EHD4: variants seen among roughly 807,000 people sequenced by gnomAD.
EHD4 encodes EH domain containing 4.
In EHD4, 37 loss-of-function variants were observed where a neutral mutation model predicts 51.0. That is an observed-to-expected ratio of 0.73 (90% confidence interval 0.56 to 0.95). The LOEUF is 0.95. Ranked by LOEUF, EHD4 falls within the 40% of genes least tolerant of loss-of-function variation. The pLI, the probability that EHD4 is intolerant of heterozygous loss-of-function variation, is 0.00. For synonymous variants in EHD4, 297 were observed against 317.3 expected, an observed-to-expected ratio of 0.94 and a Z score of 0.68; for missense variants, 632 against 733.1, an observed-to-expected ratio of 0.86 and a Z score of 1.59.
At chr15:41,961,752 C>T (rs1461399921) in intron 1 of EHD4, among the ~76,000 whole-genome samples, 2 of 152,136 alleles carry the variant, frequency 1.3e-5, no homozygotes, top group African/African-American at 4.8e-5. Flanking sequence ...CTGACATAAT[C>T]TCTTAAGGTG....
intron 2 of EHD4, among the ~76,000 whole-genome samples, chr15:41,945,890 C>A (rs76323230): frequency 0.023 from 3,490 of 152,334 alleles, 74 homozygotes; most frequent in South Asian, 0.035. Context: ...CATGTCCCGA[C>A]CCCATCAACT....
intron 3 of EHD4, among the ~76,000 whole-genome samples, chr15:41,932,019 TCAAGATATATTTG>T (rs1446133303): frequency 6.6e-6 from 1 of 152,070 alleles, no homozygotes; most frequent in Non-Finnish European, 1.5e-5. Flanking sequence ...TCAGCAATTT[TCAAGATATATTTG>T]CACGTTATCG....
chr15:41,926,826 C>G (rs2067665064), intron 3 of EHD4, among the ~76,000 whole-genome samples: 1 of 152,044 alleles, frequency 6.6e-6, no homozygotes, highest in African/African-American at 2.4e-5. Flanking sequence ...GTCTCCACAC[C>G]CTTGCTCAGG....
At chr15:41,906,318 T>A (rs547331290) in intron 5 of EHD4, among the ~76,000 whole-genome samples, 9 of 152,356 alleles carry the variant, frequency 5.9e-5, no homozygotes, top group African/African-American at 2.2e-4. Context: ...CATGCACTCC[T>A]CTATCCTGTG....
intron 1 of EHD4, among the ~76,000 whole-genome samples, chr15:41,965,290 C>T (rs1432118235): frequency 2.6e-5 from 4 of 152,166 alleles, no homozygotes. Context: ...AGAAAATGCT[C>T]ATCGTATCAT....
Position 41,896,227 on chromosome 15 carries a change from T to C in EHD4, c.*4418A>G, listed in dbSNP as rs2067437745. On this transcript the variant is annotated 3_prime_UTR_variant, in exon 6 of 6. Transcript: ENST00000220325. ...TTGTCACCACAGGCCTGGATTCCTC[T>C]GGCCTTTCTCAAGGTCTCTTTCATT... 6.6e-6 allele frequency: 1 copy of C among 152,370 alleles called. No homozygotes were observed. The highest frequency in any genetic ancestry group is 2.4e-5 in the African/African-American group (1 of 41,578). The allele number at this position is 152,370 out of a possible 1,614,324, so 9.4% of individuals were successfully genotyped here. A position where few individuals can be genotyped will look rare whatever the true frequency, so the allele number is the denominator to read the frequency against.
intron 3 of EHD4, among the ~76,000 whole-genome samples, chr15:41,940,243 G>A (rs1029481787): frequency 1.3e-5 from 2 of 152,214 alleles, no homozygotes; most frequent in Non-Finnish European, 2.9e-5. Flanking sequence ...GCAAAGACCC[G>A]CCAATAAAGT....
intron 3 of EHD4, among the ~76,000 whole-genome samples, chr15:41,931,015 T>C (rs574714518): frequency 2.6e-5 from 4 of 152,346 alleles, no homozygotes; most frequent in South Asian, 4.1e-4. Context: ...TAAACAGGCA[T>C]GCCTTCTACA....
At position 41,972,466 on chromosome 15, in the gene EHD4, C is replaced by A. The variant is rs1177941850; in HGVS notation, c.29G>T (p.Gly10Val). The A allele has an allele frequency of 2.6e-6, 4 of 1,547,808 alleles. No homozygotes were observed. The African/African-American group carries it at 5.6e-5, about 22-fold the overall frequency. MFSWMGRQAGGRERAGGADA... is the reference protein window; with the variant it reads MFSWMGRQAVGRERAGGADA... Reference sequence around the variant, plus strand: ...CGCGCCGCCAGCGCGTTCGCGCCCGCCCGCCTGCCGCCCCATCCAGCTGAA... The same window carrying A: ...CGCGCCGCCAGCGCGTTCGCGCCCGACCGCCTGCCGCCCCATCCAGCTGAA... The change falls in exon 1 of 6, where the codon GGC (glycine) becomes GTC (valine). Residue 10 changes from glycine to valine, a missense_variant. Gly to Val is a moderately radical substitution (Grantham distance 109, BLOSUM62 -3). Coordinates refer to ENST00000220325, the MANE Select transcript of EHD4 (RefSeq NM_139265.4).
intron 5 of EHD4, among the ~76,000 whole-genome samples, chr15:41,907,027 G>T (rs1595529942): frequency 6.6e-6 from 1 of 152,130 alleles, no homozygotes; most frequent in African/African-American, 2.4e-5. Flanking sequence ...GGTGTCTTCT[G>T]ACCTGGCCAG....
At chr15:41,904,437 C>T (rs2067499550) in intron 5 of EHD4, among the ~76,000 whole-genome samples, 1 of 152,194 alleles carries the variant, frequency 6.6e-6, no homozygotes. Flanking sequence ...CAGCACCAAA[C>T]CATCATCATC....
intron 1 of EHD4, among the ~76,000 whole-genome samples, chr15:41,967,738 G>T (rs1373204966): frequency 2.0e-5 from 3 of 152,180 alleles, no homozygotes; most frequent in Admixed American, 2.0e-4. Context: ...AATGAAGCAG[G>T]CCTTTGTTCC....
intron 3 of EHD4, among the ~76,000 whole-genome samples, chr15:41,923,373 C>T (rs180985385): frequency 5.3e-5 from 8 of 152,144 alleles, no homozygotes; most frequent in African/African-American, 1.2e-4. Flanking sequence ...AGGACTCAGG[C>T]GGCAAATACC....
At chr15:41,949,051 T>TATATATATATATATATATACAC (rs1491135423) in intron 2 of EHD4, among the ~76,000 whole-genome samples, 10 of 109,452 alleles carry the variant, frequency 9.1e-5, no homozygotes, top group South Asian at 7.3e-4. Context: ...TATATATATA[T>TATATATATATATATATATACAC]ACACACATAC....
At chr15:41,906,256 T>A (rs1595529677) in intron 5 of EHD4, among the ~76,000 whole-genome samples, 1 of 152,216 alleles carries the variant, frequency 6.6e-6, no homozygotes, top group East Asian at 1.9e-4. Context: ...TATGTCCACC[T>A]TTGACTGGTG....
At chr15:41,903,254 G>A (rs1298095212) in intron 5 of EHD4, among the ~76,000 whole-genome samples, 1 of 142,456 alleles carries the variant, frequency 7.0e-6, no homozygotes, top group African/African-American at 2.6e-5. Flanking sequence ...CGCTGTTTTG[G>A]ACAGAAGCAA....
chr15:41,942,247 G>GA (rs1329681750), intron 3 of EHD4: 1 of 137,546 alleles, frequency 7.3e-6, no homozygotes, highest in African/African-American at 2.7e-5. Context: ...CCGGTTTTTT[G>GA]TTTTTTTTTT....
At chr15:41,938,559 G>T (rs1164746584) in intron 3 of EHD4, among the ~76,000 whole-genome samples, 1 of 152,174 alleles carries the variant, frequency 6.6e-6, no homozygotes, top group Non-Finnish European at 1.5e-5. Flanking sequence ...TAAGAGGCGA[G>T]AGCTTAAACA....
At chr15:41,913,391 T>A (rs540883963) in intron 4 of EHD4, among the ~76,000 whole-genome samples, 1 of 152,018 alleles carries the variant, frequency 6.6e-6, no homozygotes, top group Non-Finnish European at 1.5e-5. Context: ...AGAAAACTAA[T>A]TGGGAAGAGG....
Sources: gnomAD v4.1 joint callset for allele counts (sites outside exome capture counted in the v4.1 genomes callset) on GRCh38, gnomAD v4.1.1 for gene constraint, MANE v1.5 for transcripts, NCBI Gene and HGNC (gene_info 2026-07-23, HGNC 2026-07-21) for gene names.